Variants in NMNAT2 observed in about 807,000 individuals in gnomAD.
The protein encoded by NMNAT2 is nicotinamide nucleotide adenylyltransferase 2.
A neutral mutation model predicts 41.6 loss-of-function variants in NMNAT2; 11 were observed. That is an observed-to-expected ratio of 0.26 (90% CI 0.17 to 0.44). The LOEUF (loss-of-function observed/expected upper bound fraction) is 0.44. Ranked by LOEUF, NMNAT2 falls within the 20% of genes least tolerant of loss-of-function variation. NMNAT2 has a pLI of 1.00. For synonymous variants in NMNAT2, 148 were observed against 151.2 expected (o/e 0.98, Z 0.16); for missense variants, 288 against 407.7 (o/e 0.71, Z 2.53).
intron 1 of NMNAT2, among the ~76,000 whole-genome samples, chr1:183,396,265 C>T (rs2101924041): frequency 6.6e-6 from 1 of 152,182 alleles, no homozygotes; most frequent in South Asian, 2.1e-4. Context: ...GAGAGGTCTC[C>T]CCTGCCCTAC....
Position 183,277,531 on chromosome 1 carries a change from A to G in NMNAT2, c.651+1022T>C, listed in dbSNP as rs201111541. ...CCGTCTCAAAAAAAAAAAAAAAAAA[A>G]AAAAAGGAATATATATTTTGTCATG... On this transcript the variant is annotated intron_variant, in intron 8 of 10. Transcript: ENST00000287713. Among the ~76,000 whole-genome samples the G allele has an allele frequency of 2.1e-3, 313 of 151,672 alleles. 6 individuals are homozygous for G. The East Asian group carries it at 0.051, about 25-fold the overall frequency.
chr1:183,320,082 C>CT (rs1157994015), intron 1 of NMNAT2, among the ~76,000 whole-genome samples: 2 of 152,138 alleles, frequency 1.3e-5, no homozygotes, highest in Non-Finnish European at 2.9e-5. Context: ...AAAATTAACT[C>CT]TGAGTTCCTG....
intron 1 of NMNAT2, among the ~76,000 whole-genome samples, chr1:183,300,718 A>G (rs1164353784): frequency 6.6e-6 from 1 of 152,262 alleles, no homozygotes; most frequent in Non-Finnish European, 1.5e-5. Context: ...ATGATAAATT[A>G]TAGAACACTG....
intron 1 of NMNAT2, among the ~76,000 whole-genome samples, chr1:183,308,077 C>T (rs1217172346): frequency 5.3e-5 from 8 of 152,172 alleles, no homozygotes; most frequent in Non-Finnish European, 1.2e-4. Context: ...GGCATTGGGA[C>T]AGAGGAAGTT....
intron 1 of NMNAT2, among the ~76,000 whole-genome samples, chr1:183,353,182 A>G (rs779152): frequency 0.44 from 67,070 of 151,668 alleles, 15,410 homozygotes; most frequent in East Asian, 0.67. Context: ...AGTTTTTTGT[A>G]TTTTTAGTAG....
chr1:183,393,558 G>C (rs1648544951), intron 1 of NMNAT2, among the ~76,000 whole-genome samples: 1 of 151,958 alleles, frequency 6.6e-6, no homozygotes, highest in Non-Finnish European at 1.5e-5. Flanking sequence ...TCCTAATTTG[G>C]CTATTTATTT....
chr1:183,310,767 A>T (rs561589924), intron 1 of NMNAT2, among the ~76,000 whole-genome samples: 133 of 152,240 alleles, frequency 8.7e-4, no homozygotes, highest in African/African-American at 3.1e-3. Context: ...TGTTCTACAC[A>T]TAAACAAGGC....
rs370420955 is a variant in NMNAT2 at position 183,412,311 on chromosome 1, C to T, written c.85+5872G>A. On this transcript the variant is annotated intron_variant, in intron 1 of 10. Transcript: ENST00000287713. ...CAATCTCAGCTCACTGCAACCTCCG[C>T]CTCCCGGGTTCAAGTGATTCTCCTG... is the stretch of plus-strand genomic sequence containing the variant. 1.2e-4 allele frequency among the ~76,000 whole-genome samples: 19 copies of T among 152,358 alleles called. No individual in the cohort carries two copies. In the East Asian group the frequency reaches 3.3e-3, roughly 26 times the overall value.
At chr1:183,372,219 G>A (rs1433566455) in intron 1 of NMNAT2, among the ~76,000 whole-genome samples, 3 of 152,218 alleles carry the variant, frequency 2.0e-5, no homozygotes, top group African/African-American at 7.2e-5. Context: ...TGCCTCTCAA[G>A]GAACTGTACT....
intron 4 of NMNAT2, among the ~76,000 whole-genome samples, chr1:183,288,221 C>T (rs756609366): frequency 1.5e-4 from 23 of 152,324 alleles, no homozygotes; most frequent in African/African-American, 2.6e-4. Context: ...CTGCATTCCC[C>T]GATCCTGCCC....
intron 7 of NMNAT2, among the ~76,000 whole-genome samples, chr1:183,281,878 G>A (rs1661280038): frequency 6.6e-6 from 1 of 152,254 alleles, no homozygotes; most frequent in Admixed American, 6.5e-5. Context: ...GCCTCACACA[G>A]CGCAGGAGTC....
intron 1 of NMNAT2, among the ~76,000 whole-genome samples, chr1:183,303,642 A>G (rs1000301954): frequency 6.6e-6 from 1 of 152,196 alleles, no homozygotes; most frequent in Non-Finnish European, 1.5e-5. Context: ...GGGTGATCAC[A>G]TTCTTCAGGG....
chr1:183,328,701 C>T (rs1662518382), intron 1 of NMNAT2, among the ~76,000 whole-genome samples: 2 of 152,246 alleles, frequency 1.3e-5, no homozygotes, highest in South Asian at 2.1e-4. Flanking sequence ...ACCAACAAAC[C>T]TTTGCCTCCT....
intron 1 of NMNAT2, among the ~76,000 whole-genome samples, chr1:183,357,949 A>G (rs998530711): frequency 6.6e-6 from 1 of 152,182 alleles, no homozygotes; most frequent in African/African-American, 2.4e-5. Context: ...AAATTTTTCT[A>G]TTATAAAGAT....
intron 1 of NMNAT2, among the ~76,000 whole-genome samples, chr1:183,313,175 G>A (rs1557875238): frequency 6.6e-6 from 1 of 151,908 alleles, no homozygotes; most frequent in Admixed American, 6.6e-5. Context: ...CATACTATAG[G>A]ATACCAAAGA....
intron 1 of NMNAT2, among the ~76,000 whole-genome samples, chr1:183,400,217 T>G (rs933126863): frequency 6.6e-6 from 1 of 152,194 alleles, no homozygotes; most frequent in African/African-American, 2.4e-5. Flanking sequence ...CAGCAAAGTC[T>G]CAGGATACAA....
At chr1:183,304,674 G>A (rs1661954133) in intron 1 of NMNAT2, 1 of 1,613,874 alleles carries the variant, frequency 6.2e-7, no homozygotes. Context: ...ACTCACCTGA[G>A]AGAGTAACAA....
intron 8 of NMNAT2, among the ~76,000 whole-genome samples, chr1:183,261,524 G>T (rs1298918822): frequency 6.6e-6 from 1 of 152,134 alleles, no homozygotes; most frequent in Non-Finnish European, 1.5e-5. Context: ...CACAGAAGTC[G>T]CTTAATAAAT....
Position 183,249,800 on chromosome 1 carries a change from A to G in NMNAT2, c.*2841T>C, listed in dbSNP as rs1421710611. The G allele has an allele frequency of 2.6e-5, 4 of 151,816 alleles. No individual in the cohort carries two copies. 9.4% of individuals were successfully genotyped at this position (151,816 alleles called of 1,614,324 possible). A position where few individuals can be genotyped will look rare whatever the true frequency, so the allele number is the denominator to read the frequency against. ...CCAAAAGAAGATTCACTTTCTTTTTATATTAAATAGGAAACCTGTTTTTAG... is the reference window on the plus strand; with the variant it reads ...CCAAAAGAAGATTCACTTTCTTTTTGTATTAAATAGGAAACCTGTTTTTAG... On this transcript the variant is annotated 3_prime_UTR_variant, in exon 11 of 11. Transcript: ENST00000287713.
Sources: gnomAD v4.1 joint callset for allele counts (sites outside exome capture counted in the v4.1 genomes callset) on GRCh38, gnomAD v4.1.1 for gene constraint, MANE v1.5 for transcripts, NCBI Gene and HGNC (gene_info 2026-07-23, HGNC 2026-07-21) for gene names.